The following AOPEP variants were observed in gnomAD, a reference collection of about 807,000 sequenced individuals.
AOPEP encodes aminopeptidase O (putative).
A neutral mutation model predicts 98.1 loss-of-function variants in AOPEP; 77 were observed. The ratio of observed to expected loss-of-function variants is 0.78; its 90% CI spans 0.65 to 0.95. The LOEUF (loss-of-function observed/expected upper bound fraction) is 0.95. Among genes scored for constraint, AOPEP ranks in the 40% least tolerant of loss-of-function variants. The probability of loss-of-function intolerance (pLI) is 0.00; values close to 1 mark genes in which losing one functional copy is unlikely to be tolerated. For synonymous variants in AOPEP, 346 were observed against 365.3 expected, an observed-to-expected ratio of 0.95 and a Z score of 0.60; for missense variants, 1,024 against 1,024.7, an observed-to-expected ratio of 1.00 and a Z score of 0.01.
rs558155371 is a variant in AOPEP at position 94,930,952 on chromosome 9, G to A, written c.1661+2421G>A. Among the ~76,000 whole-genome samples the A allele has an allele frequency of 3.3e-5, 5 of 152,280 alleles. No homozygotes were observed. Among genetic ancestry groups the A allele is most frequent in the South Asian group, 4.1e-4 (2 of 4,820 alleles). On this transcript the variant is annotated intron_variant, in intron 7 of 16. Transcript: ENST00000375315. This position sits in a 1 kb window ranked among gnomAD's most constrained non-coding sequence, Gnocchi z 4.5. ...GCTTACCTGCGAGCTGCCTCACTGT[G>A]CAAATCCCTTCACCTCTTAAAGGCT...
intron 7 of AOPEP, among the ~76,000 whole-genome samples, chr9:94,942,904 C>CAAAA (rs35186299): frequency 4.4e-4 from 36 of 82,704 alleles, no homozygotes; most frequent in East Asian, 1.1e-3. Flanking sequence ...GAGTCTGTCT[C>CAAAA]AAAAAAAAAA....
intron 2 of AOPEP, among the ~76,000 whole-genome samples, chr9:94,769,775 A>T (rs776633051): frequency 1.3e-5 from 2 of 152,202 alleles, no homozygotes; most frequent in African/African-American, 4.8e-5. Context: ...CTGGCCAGGT[A>T]ACTGACCCCC....
intron 5 of AOPEP, among the ~76,000 whole-genome samples, chr9:94,910,492 A>G (rs2051867436): frequency 6.6e-6 from 1 of 152,126 alleles, no homozygotes; most frequent in Admixed American, 6.5e-5. Flanking sequence ...GTGGGACCTA[A>G]TGCTACTCCA....
chr9:94,791,609 A>G (rs1452380513), intron 3 of AOPEP, among the ~76,000 whole-genome samples: 2 of 152,102 alleles, frequency 1.3e-5, no homozygotes, highest in African/African-American at 4.8e-5. Context: ...TATTGGGTAT[A>G]CAAGAGGTTG....
chr9:94,883,794 A>C (rs1164796608), intron 5 of AOPEP, among the ~76,000 whole-genome samples: 1 of 152,224 alleles, frequency 6.6e-6, no homozygotes, highest in Non-Finnish European at 1.5e-5. Flanking sequence ...ATGTTAGTTT[A>C]AAATGTTAAA....
chr9:94,768,096 T>C (rs954822035), intron 2 of AOPEP, among the ~76,000 whole-genome samples: 4 of 152,090 alleles, frequency 2.6e-5, no homozygotes, highest in African/African-American at 9.7e-5. Context: ...TGGAAAGGAA[T>C]TGGAGGAGGC....
At chr9:94,759,566 G>T (rs1337402577) in intron 1 of AOPEP, 83 bp from the exon 2 acceptor site, 1 of 531,176 alleles carries the variant, frequency 1.9e-6, no homozygotes, top group African/African-American at 1.9e-5. Flanking sequence ...TAAGGATGGT[G>T]GTCAACTTGC....
intron 9 of AOPEP, 93 bp downstream of exon 9, chr9:94,956,108 A>C: frequency 2.7e-6 from 2 of 738,018 alleles, no homozygotes; most frequent in Non-Finnish European, 4.5e-6. Flanking sequence ...GAGTAGGGAA[A>C]AGGTTTCCCA....
intron 10 of AOPEP, among the ~76,000 whole-genome samples, chr9:94,978,289 G>A (rs1490487841): frequency 6.6e-6 from 1 of 152,036 alleles, no homozygotes; most frequent in Admixed American, 6.5e-5. Context: ...TTTAAAAGAG[G>A]CAGAGCTTAA....
intron 5 of AOPEP, among the ~76,000 whole-genome samples, chr9:94,838,971 C>T (rs1379227277): frequency 3.2e-5 from 4 of 124,198 alleles, no homozygotes; most frequent in African/African-American, 6.1e-5. Context: ...AGTGCAGTGG[C>T]GCAATCTCGG....
chr9:94,999,554 G>C (rs540286621), intron 11 of AOPEP, among the ~76,000 whole-genome samples: 1 of 152,070 alleles, frequency 6.6e-6, no homozygotes, highest in African/African-American at 2.4e-5. Context: ...CCATCCTTCC[G>C]GTAAACATTG....
At chr9:94,804,051 G>T (rs894217211) in intron 5 of AOPEP, among the ~76,000 whole-genome samples, 1 of 152,134 alleles carries the variant, frequency 6.6e-6, no homozygotes, top group Non-Finnish European at 1.5e-5. Flanking sequence ...ATATTCTACT[G>T]TTTTCATTGT....
intron 11 of AOPEP, chr9:95,004,152 A>G (rs1253511582): frequency 2.2e-6 from 1 of 451,960 alleles, no homozygotes; most frequent in East Asian, 7.0e-5. Flanking sequence ...GTCAAGACCC[A>G]GCAAGCAACA....
intron 5 of AOPEP, among the ~76,000 whole-genome samples, chr9:94,841,101 G>C (rs10122127): frequency 0.86 from 130,592 of 151,952 alleles, 56,236 homozygotes; most frequent in Non-Finnish European, 0.89. Context: ...TGAGACCTTT[G>C]TTCTATTGTA....
At chr9:94,901,841 T>C (rs1181174945) in intron 5 of AOPEP, among the ~76,000 whole-genome samples, 1 of 151,812 alleles carries the variant, frequency 6.6e-6, no homozygotes, top group Non-Finnish European at 1.5e-5. Flanking sequence ...CTTGGGAGAC[T>C]GAGGATGCAG....
At position 94,750,334 on chromosome 9, in the gene AOPEP, C is replaced by T. The variant is rs139536864; in HGVS notation, c.-135-9315C>T. Reference sequence around the variant, plus strand: ...GGTGCAGTGGCTCACGCCTGTAATCCCAGCACTTTAGGAGGCTGAGGTGGG... The same window carrying T: ...GGTGCAGTGGCTCACGCCTGTAATCTCAGCACTTTAGGAGGCTGAGGTGGG... On this transcript the variant is annotated intron_variant, in intron 1 of 16. Coordinates refer to ENST00000375315, the MANE Select transcript of AOPEP (RefSeq NM_001193329.3). 5.5e-4 allele frequency among the ~76,000 whole-genome samples: 83 copies of T among 152,218 alleles called. 3 individuals carry two copies. The East Asian group carries it at 0.014, about 25-fold the overall frequency.
chr9:94,946,420 A>G (rs1219341412), intron 7 of AOPEP, among the ~76,000 whole-genome samples: 1 of 152,208 alleles, frequency 6.6e-6, no homozygotes, highest in Non-Finnish European at 1.5e-5. Flanking sequence ...GAGCAGTTCC[A>G]GGATCCAGGT....
intron 4 of AOPEP, 118 bp from the exon 5 acceptor site, chr9:94,800,639 T>C: frequency 9.6e-7 from 1 of 1,046,158 alleles, no homozygotes; most frequent in Middle Eastern, 2.7e-4. Context: ...GAGCAGTCTT[T>C]GCTTGTGAGT....
At chr9:94,744,903 C>T (rs778793927) in intron 1 of AOPEP, among the ~76,000 whole-genome samples, 16 of 151,180 alleles carry the variant, frequency 1.1e-4, no homozygotes, top group Non-Finnish European at 2.2e-4. Flanking sequence ...CTGTTGACTT[C>T]TCATTTTCAT....
Sources: gnomAD v4.1 joint callset for allele counts (sites outside exome capture counted in the v4.1 genomes callset) on GRCh38, gnomAD v4.1.1 for gene constraint, Gnocchi (gnomAD v3.1) non-coding constraint, MANE v1.5 for transcripts, NCBI Gene and HGNC (gene_info 2026-07-23, HGNC 2026-07-21) for gene names.